Variants in ARHGAP5 observed in about 807,000 individuals in gnomAD.
ARHGAP5 encodes the protein rho GTPase-activating protein 5.
Under a neutral mutation model 116.6 loss-of-function variants are expected in ARHGAP5, and 23 were observed. That is an observed-to-expected ratio of 0.20 (90% CI 0.14 to 0.28). ARHGAP5 has a LOEUF of 0.28. Among genes scored for constraint, ARHGAP5 ranks in the 10% least tolerant of loss-of-function variants. ARHGAP5 has a pLI of 1.00. For missense variants in ARHGAP5, 1,405 were observed against 1,774.8 expected (o/e 0.79, Z 3.74); for synonymous variants, 574 against 602.0 (o/e 0.95, Z 0.68).
chr14:32,128,911 G>T (rs1380934331), intron 3 of ARHGAP5, among the ~76,000 whole-genome samples: 4 of 152,164 alleles, frequency 2.6e-5, no homozygotes, highest in Admixed American at 6.5e-5. Context: ...TTTTAGAATG[G>T]TATATTTAAT....
chr14:32,158,452 AAACTATTCTAGT>A lies in ARHGAP5; in HGVS notation c.*3505_*3516del, dbSNP rs1881990849. On this transcript the variant is annotated 3_prime_UTR_variant, in exon 7 of 7. Coordinates refer to ENST00000345122, the MANE Select transcript of ARHGAP5 (RefSeq NM_001030055.2). ...TTTAGAGCCACTGGAAATATTTTGA[AAACTATTCTAGT>A]TATAGCAGAGCTGCTAATATTAACG... The A allele has an allele frequency of 6.6e-6, 1 of 151,952 alleles. No homozygotes were observed. The highest frequency in any genetic ancestry group is 1.5e-5 in the Non-Finnish European group (1 of 67,850). The allele number at this position is 151,952 out of a possible 1,614,324, so 9.4% of individuals were successfully genotyped here.
intron 2 of ARHGAP5, among the ~76,000 whole-genome samples, chr14:32,112,870 CAA>C (rs879512762): frequency 7.5e-6 from 1 of 134,028 alleles, no homozygotes. Context: ...GACTCCGCCT[CAA>C]AAAAAAAAAA....
intron 3 of ARHGAP5, among the ~76,000 whole-genome samples, chr14:32,144,204 C>T (rs1371567613): frequency 2.6e-5 from 4 of 152,104 alleles, no homozygotes; most frequent in Non-Finnish European, 4.4e-5. Context: ...TATAGATATA[C>T]ATGGAGTAAT....
chr14:32,108,801 A>G (rs1879144210), intron 2 of ARHGAP5, among the ~76,000 whole-genome samples: 1 of 152,212 alleles, frequency 6.6e-6, no homozygotes, highest in Non-Finnish European at 1.5e-5. Flanking sequence ...TGCTATACTT[A>G]CATGAATATA....
chr14:32,079,118 C>T (rs746049044), intron 1 of ARHGAP5, among the ~76,000 whole-genome samples: 11 of 152,194 alleles, frequency 7.2e-5, no homozygotes, highest in Admixed American at 2.6e-4. Flanking sequence ...GAGTGAAAGG[C>T]TGCGCATACC....
At position 32,092,527 on chromosome 14, in the gene ARHGAP5, G is replaced by T. The variant is rs748111441; in HGVS notation, c.1858G>T (p.Asp620Tyr). ...LANEIRTQSTDDEYALDGKIY... is the reference protein window; with the variant it reads ...LANEIRTQSTYDEYALDGKIY... ...AAATGAGATAAGGACACAATCCACT[G>T]ATGATGAGTATGCCTTAGATGGAAA... Residue 620 changes from aspartate (D) to tyrosine (Y), a missense_variant, in exon 2 of 7, where the codon GAT becomes TAT. This residue lies in a region of ARHGAP5 where 944 missense variants were observed against 1,095.3 expected (regional missense o/e 0.86). Transcript: ENST00000345122. The surrounding 1 kb of genome is among the most constrained non-coding windows in gnomAD (Gnocchi z 4.1). 2 of 1,613,966 alleles carry T rather than the reference G, an allele frequency of 1.2e-6. No homozygotes were observed. The highest frequency in any genetic ancestry group is 2.2e-5 in the South Asian group (2 of 91,038).
chr14:32,125,168 T>C lies in ARHGAP5; in HGVS notation c.3865+7881T>C, dbSNP rs557681692. 2.0e-5 allele frequency among the ~76,000 whole-genome samples: 3 copies of C among 152,310 alleles called. No homozygotes were observed. In the South Asian group the frequency reaches 6.2e-4, roughly 32 times the overall value. ...GTACACATTAAGCAGTTATTTCTTA[T>C]TTCCCCACTACTCCAGTCCCTGGCA... is the stretch of plus-strand genomic sequence containing the variant. On this transcript the variant is annotated intron_variant, in intron 3 of 6. Transcript: ENST00000345122.
At chr14:32,142,060 T>G (rs1881151293) in intron 3 of ARHGAP5, among the ~76,000 whole-genome samples, 1 of 152,178 alleles carries the variant, frequency 6.6e-6, no homozygotes, top group African/African-American at 2.4e-5. Context: ...TCTTTTCATT[T>G]ATTGTACTTT....
At chr14:32,147,923 T>A (rs1881454822) in intron 4 of ARHGAP5, among the ~76,000 whole-genome samples, 1 of 152,136 alleles carries the variant, frequency 6.6e-6, no homozygotes, top group Admixed American at 6.6e-5. Context: ...GAGGCCAAGG[T>A]GGGCGAATTG....
At position 32,157,390 on chromosome 14, in the gene ARHGAP5, A is replaced by G. The variant is rs1206446177; in HGVS notation, c.*2442A>G. The G allele has an allele frequency of 1.3e-5, 2 of 152,330 alleles. No homozygotes were observed. Among genetic ancestry groups the G allele is most frequent in the Non-Finnish European group, 3.0e-5 (2 of 67,756 alleles). The allele number at this position is 152,330 out of a possible 1,614,324, so 9.4% of individuals were successfully genotyped here. A position where few individuals can be genotyped will look rare whatever the true frequency, so the allele number is the denominator to read the frequency against. Reference sequence around the variant, plus strand: ...TGAGACTTCTTAAAGGATTAAAAGAATAGGATAGTCTCATAATTGTGAGTA... The same window carrying G: ...TGAGACTTCTTAAAGGATTAAAAGAGTAGGATAGTCTCATAATTGTGAGTA... On this transcript the variant is annotated 3_prime_UTR_variant, in exon 7 of 7. Coordinates refer to ENST00000345122, the MANE Select transcript of ARHGAP5 (RefSeq NM_001030055.2).
chr14:32,080,593 A>G (rs2041762316), intron 1 of ARHGAP5, among the ~76,000 whole-genome samples: 1 of 152,210 alleles, frequency 6.6e-6, no homozygotes, highest in African/African-American at 2.4e-5. Context: ...TACCAAGATA[A>G]ATTAGATATA....
chr14:32,096,739 A>G (rs1047768086), intron 2 of ARHGAP5, among the ~76,000 whole-genome samples: 2 of 152,204 alleles, frequency 1.3e-5, no homozygotes, highest in Non-Finnish European at 1.5e-5. Flanking sequence ...GATCATTCCA[A>G]TGTTACATAA....
At chr14:32,102,555 CAAAG>C (rs2139040116) in intron 2 of ARHGAP5, among the ~76,000 whole-genome samples, 1 of 152,246 alleles carries the variant, frequency 6.6e-6, no homozygotes, top group South Asian at 2.1e-4. Context: ...GTCTCGAAAA[CAAAG>C]AAAAATGAGT....
chr14:32,152,393 CA>C, intron 5 of ARHGAP5, 29 bp from the exon 6 acceptor site: 1 of 1,416,152 alleles, frequency 7.1e-7, no homozygotes, highest in Non-Finnish European at 9.9e-7. Flanking sequence ...GTAAGTTTTA[CA>C]CAGATTCTTC....
chr14:32,145,973 G>A (rs1881359115), intron 3 of ARHGAP5, among the ~76,000 whole-genome samples: 2 of 151,922 alleles, frequency 1.3e-5, no homozygotes, highest in Admixed American at 1.3e-4. Flanking sequence ...TTGGAGACAG[G>A]GTCTTGCTCT....
intron 3 of ARHGAP5, among the ~76,000 whole-genome samples, chr14:32,130,012 A>G (rs1332155832): frequency 6.6e-6 from 1 of 152,000 alleles, no homozygotes; most frequent in Non-Finnish European, 1.5e-5. Context: ...GCAGTGAGCC[A>G]TGATCACAGT....
intron 1 of ARHGAP5, among the ~76,000 whole-genome samples, chr14:32,083,019 A>G (rs1390789154): frequency 6.6e-6 from 1 of 152,254 alleles, no homozygotes; most frequent in African/African-American, 2.4e-5. Flanking sequence ...CATAACTTAT[A>G]TGTTCAAAAC....
intron 3 of ARHGAP5, among the ~76,000 whole-genome samples, chr14:32,120,200 C>G (rs1191753221): frequency 6.6e-6 from 1 of 151,954 alleles, no homozygotes; most frequent in Non-Finnish European, 1.5e-5. Flanking sequence ...GGAATTCATT[C>G]ATTTCATCTA....
chr14:32,149,782 AAAG>A (rs1186008962), intron 4 of ARHGAP5, 117 bp from the exon 5 acceptor site: 1 of 548,152 alleles, frequency 1.8e-6, no homozygotes, highest in Non-Finnish European at 2.8e-6. Context: ...TCAAAAAAAA[AAAG>A]AAAAAGAAAA....
Sources: allele counts gnomAD v4.1 joint callset (sites outside exome capture counted in the v4.1 genomes callset), GRCh38; gene constraint gnomAD v4.1.1; regional missense constraint gnomAD v4.1.1; non-coding constraint Gnocchi (gnomAD v3.1); transcripts MANE v1.5; gene names NCBI Gene and HGNC (gene_info 2026-07-23, HGNC 2026-07-21).